CD99L2: variants seen among roughly 807,000 people sequenced by gnomAD.
CD99L2 encodes CD99 antigen-like protein 2.
CD99L2 carries 24 observed loss-of-function variants against 27.3 expected under a neutral mutation model. The ratio of observed to expected loss-of-function variants is 0.88; its 90% CI spans 0.64 to 1.24. CD99L2 has a LOEUF of 1.24. Among genes scored for constraint, CD99L2 ranks in the 50% most tolerant of loss-of-function variants. CD99L2 has a pLI of 0.00. For missense variants in CD99L2, 255 were observed against 221.6 expected, an observed-to-expected ratio of 1.15 and a Z score of -0.96; for synonymous variants, 97 against 87.9, an observed-to-expected ratio of 1.10 and a Z score of -0.58.
chrX:150,777,555 G>A (rs1427235732), intron 7 of CD99L2, 73 bp from the exon 8 acceptor site: 16 of 1,059,489 alleles, frequency 1.5e-5, no homozygotes, highest in South Asian at 4.0e-5. Flanking sequence ...TCCGCGAGAC[G>A]GATGGCAGTG....
At chrX:150,798,897 T>G (rs2045857706) in intron 4 of CD99L2, among the ~76,000 whole-genome samples, 1 of 111,712 alleles carries the variant, frequency 9.0e-6, no homozygotes. Context: ...ACTACAGGCG[T>G]GCACCACCAT....
intron 9 of CD99L2, chrX:150,771,694 G>T: frequency 1.1e-6 from 1 of 901,601 alleles, no homozygotes; most frequent in Non-Finnish European, 1.6e-6. Context: ...GTCGGTGAGT[G>T]CCAGGGAAGC....
chrX:150,878,812 C>A (rs782771247), intron 1 of CD99L2, among the ~76,000 whole-genome samples: 1 of 111,716 alleles, frequency 9.0e-6, no homozygotes, highest in East Asian at 2.8e-4. Flanking sequence ...ACATATGACC[C>A]AGCTCATCAT....
At chrX:150,824,665 A>AGAAGAAGAAGAAGAG in intron 2 of CD99L2, among the ~76,000 whole-genome samples, 1 of 73,413 alleles carries the variant, frequency 1.4e-5, no homozygotes, top group Non-Finnish European at 2.7e-5. Context: ...AAGAAGAAGA[A>AGAAGAAGAAGAAGAG]GAGGAAGAGG....
intron 1 of CD99L2, among the ~76,000 whole-genome samples, chrX:150,852,227 C>T (rs1162664720): frequency 3.6e-5 from 4 of 111,479 alleles, no homozygotes; most frequent in South Asian, 3.8e-4. Flanking sequence ...TTTAGAAGTT[C>T]GCTCTGTTGT....
intron 8 of CD99L2, 188 bp downstream of exon 8, chrX:150,777,256 G>C: frequency 2.0e-6 from 1 of 490,613 alleles, no homozygotes; most frequent in Non-Finnish European, 3.4e-6. Context: ...TTTCTTTGTA[G>C]GCAAATTGTG....
chrX:150,880,543 G>A (rs114581261), intron 1 of CD99L2, among the ~76,000 whole-genome samples: 2,825 of 111,671 alleles, frequency 0.025, 100 homozygotes, highest in African/African-American at 0.088. Context: ...GAGGGCCAGG[G>A]GGAAGGTGGG....
chrX:150,796,072 G>C (rs1557419902), intron 4 of CD99L2, among the ~76,000 whole-genome samples: 3 of 112,447 alleles, frequency 2.7e-5, no homozygotes, highest in Non-Finnish European at 5.6e-5. Flanking sequence ...TTTTCCAAAT[G>C]ATTCTTCTCT....
intron 1 of CD99L2, among the ~76,000 whole-genome samples, chrX:150,852,725 T>C (rs1569566079): frequency 9.0e-6 from 1 of 110,930 alleles, no homozygotes; most frequent in South Asian, 3.9e-4. Context: ...TGCTCTTTCA[T>C]GACTGGCTTC....
chrX:150,857,184 G>C (rs1173528838), intron 1 of CD99L2, among the ~76,000 whole-genome samples: 1 of 111,484 alleles, frequency 9.0e-6, no homozygotes, highest in African/African-American at 3.3e-5. Context: ...GAATGTAAGG[G>C]GTTGAAAAAC....
In CD99L2 at chrX:150,815,365, T is replaced by C. The variant is rs149693290; in HGVS notation, c.203-429A>G. Among the ~76,000 whole-genome samples, 928 of 111,499 alleles carry C rather than the reference T, an allele frequency of 8.3e-3. 8 individuals are homozygous for C. Among genetic ancestry groups the C allele is most frequent in the African/African-American group, 0.029 (877 of 30,659 alleles). On this transcript the variant is annotated intron_variant, in intron 3 of 10. Transcript: ENST00000370377. ...GGAAATGTGAAGAAATGAGGGCAAA[T>C]CATAAAGCAGCAGTGACTTTCTTGC...
intron 10 of CD99L2, 60 bp downstream of exon 10, chrX:150,770,244 C>A: frequency 9.4e-7 from 1 of 1,061,261 alleles, no homozygotes; most frequent in Non-Finnish European, 1.3e-6. Flanking sequence ...CACAGTTCTG[C>A]TCAGTGCTGG....
At chrX:150,795,924 G>A (rs1335142627) in intron 4 of CD99L2, among the ~76,000 whole-genome samples, 2 of 112,353 alleles carry the variant, frequency 1.8e-5, no homozygotes, top group South Asian at 3.7e-4. Context: ...TCTTATACAC[G>A]GAAAGTGCTT....
chrX:150,816,124 A>T, intron 2 of CD99L2, 46 bp from the exon 3 acceptor site: 1 of 1,132,612 alleles, frequency 8.8e-7, no homozygotes. Context: ...TTTAGTAACA[A>T]AACACAGCAG....
At chrX:150,869,682 G>A (rs1557422139) in intron 1 of CD99L2, among the ~76,000 whole-genome samples, 1 of 111,882 alleles carries the variant, frequency 8.9e-6, no homozygotes, top group African/African-American at 3.2e-5. Flanking sequence ...GCCAGCCAAG[G>A]CGTCTGCTCA....
In CD99L2 at chrX:150,769,117, G is replaced by T. The variant is rs782497685; in HGVS notation, c.722-16C>A. On this transcript the variant is annotated splice_polypyrimidine_tract_variant and intron_variant, in intron 10 of 10. Coordinates refer to ENST00000370377, the MANE Select transcript of CD99L2 (RefSeq NM_031462.4). ...GAGTATTTCACTAGGGGAAAAAGAGGCCGTCAGAAGGAATTCTGCTCTGTC... is the reference window on the plus strand; with the variant it reads ...GAGTATTTCACTAGGGGAAAAAGAGTCCGTCAGAAGGAATTCTGCTCTGTC... The T allele has an allele frequency of 2.8e-5, 32 of 1,160,138 alleles. No homozygotes were observed. The South Asian group carries it at 6.1e-4, about 22-fold the overall frequency.
intron 7 of CD99L2, among the ~76,000 whole-genome samples, chrX:150,785,975 G>A (rs781958318): frequency 3.1e-4 from 34 of 111,457 alleles, no homozygotes; most frequent in Non-Finnish European, 1.7e-4. Context: ...GTTGTTGGAA[G>A]CGGGCAGAAC....
chrX:150,786,152 G>A (rs894978506), intron 7 of CD99L2, among the ~76,000 whole-genome samples: 2 of 110,813 alleles, frequency 1.8e-5, no homozygotes, highest in Admixed American at 1.9e-4. Flanking sequence ...TAGTTATTCT[G>A]GAGGATGTGT....
At chrX:150,835,511 G>A (rs917248411) in intron 1 of CD99L2, among the ~76,000 whole-genome samples, 17 of 111,424 alleles carry the variant, frequency 1.5e-4, no homozygotes, top group African/African-American at 5.2e-4. Flanking sequence ...GACAGAGTGA[G>A]GCCCTGTCTG....
Sources: allele counts gnomAD v4.1 joint callset (sites outside exome capture counted in the v4.1 genomes callset), GRCh38; gene constraint gnomAD v4.1.1; transcripts MANE v1.5; gene names NCBI Gene and HGNC (gene_info 2026-07-23, HGNC 2026-07-21).